ANHX: variants seen among roughly 807,000 people sequenced by gnomAD.
ANHX encodes the protein anomalous homeobox, also known as anomalous homeobox protein.
ANHX carries 20 observed loss-of-function variants against 38.9 expected under a neutral mutation model. That is an observed-to-expected ratio of 0.51 (90% CI 0.36 to 0.75). ANHX has a LOEUF of 0.75. ANHX is among the 30% of genes least tolerant of loss of function. The pLI, the probability that ANHX is intolerant of heterozygous loss-of-function variation, is 0.00. For synonymous variants in ANHX, 185 were observed against 203.1 expected, an observed-to-expected ratio of 0.91 and a Z score of 0.76; for missense variants, 475 against 493.1, an observed-to-expected ratio of 0.96 and a Z score of 0.35.
chr12:133,220,140 T>C (rs1476255811), intron 8 of ANHX, among the ~76,000 whole-genome samples: 5 of 152,128 alleles, frequency 3.3e-5, no homozygotes, highest in South Asian at 4.1e-4. Context: ...TTCATCACGG[T>C]GGTGGCCTCG....
At chr12:133,219,399 A>C (rs1206873247) in intron 8 of ANHX, 32 bp from the exon 9 acceptor site, 1 of 1,431,690 alleles carries the variant, frequency 7.0e-7, no homozygotes, top group South Asian at 1.3e-5. Context: ...AATAGGCCCT[A>C]TCTCAAGGGG....
intron 4 of ANHX, among the ~76,000 whole-genome samples, chr12:133,227,446 C>T (rs1336989586): frequency 6.6e-6 from 1 of 152,196 alleles, no homozygotes; most frequent in Non-Finnish European, 1.5e-5. Context: ...TGCCCAGGGC[C>T]ACCCCAAGCC....
chr12:133,224,978 CA>C (rs1566404962), intron 7 of ANHX, among the ~76,000 whole-genome samples: 1 of 112,648 alleles, frequency 8.9e-6, no homozygotes, highest in Non-Finnish European at 1.7e-5. Flanking sequence ...AAAAAAAAAA[CA>C]AAAACAAAAA....
rs538305106 is a variant in ANHX at position 133,223,468 on chromosome 12, C to T, written c.1132+2068G>A. Among the ~76,000 whole-genome samples, 59 of 132,286 alleles carry T rather than the reference C, an allele frequency of 4.5e-4. 1 individual carries two copies. The highest frequency in any genetic ancestry group is 4.6e-3 in the Middle Eastern group (1 of 216). The allele number at this position is 132,286 out of a possible 152,430, so 86.8% of individuals were successfully genotyped here. On this transcript the variant is annotated intron_variant, in intron 7 of 9. Coordinates refer to ENST00000545940, the MANE Select transcript of ANHX (RefSeq NM_001372060.1). ...TTCTTTTTTTTTTTTTTTTTTGAGA[C>T]GGAGCCTCACTCTGTCACCCAGGCT...
chr12:133,234,384 A>G lies in ANHX; in HGVS notation c.-22-6T>C, dbSNP rs1382363211. ...TGTGCTGGGTCGTGGCCACTCTGCC[A>G]ACACAAACAGTCACAAGAATGGCCA... On this transcript the variant is annotated splice_region_variant and splice_polypyrimidine_tract_variant and intron_variant, in intron 1 of 9. Coordinates refer to ENST00000545940, the MANE Select transcript of ANHX (RefSeq NM_001372060.1). 1.3e-6 allele frequency: 2 copies of G among 1,522,074 alleles called. No homozygotes were observed. Among genetic ancestry groups the G allele is most frequent in the Non-Finnish European group, 1.8e-6 (2 of 1,136,698 alleles). The allele number at this position is 1,522,074 out of a possible 1,614,324, so 94.3% of individuals were successfully genotyped here.
chr12:133,235,395 G>GC (rs1957355491), intron 1 of ANHX: 1 of 152,398 alleles, frequency 6.6e-6, no homozygotes, highest in Non-Finnish European at 1.5e-5. Flanking sequence ...GGGGCACCCG[G>GC]CTCCAGCTGA....
chr12:133,222,359 C>T (rs1394087414), intron 7 of ANHX, among the ~76,000 whole-genome samples: 1 of 152,106 alleles, frequency 6.6e-6, no homozygotes, highest in East Asian at 1.9e-4. Context: ...GGGTGTGGGG[C>T]AGGGGCTGAG....
At chr12:133,223,854 C>G (rs183536329) in intron 7 of ANHX, among the ~76,000 whole-genome samples, 255 of 151,684 alleles carry the variant, frequency 1.7e-3, no homozygotes, top group Admixed American at 2.8e-3. Flanking sequence ...CCCACCCCCC[C>G]AAAAAATAAG....
chr12:133,221,131 CTA>C lies in ANHX; in HGVS notation c.1280+72_1280+73del. On this transcript the variant is annotated intron_variant, in intron 8 of 9. Coordinates refer to ENST00000545940, the MANE Select transcript of ANHX (RefSeq NM_001372060.1). The surrounding 1 kb of genome is among the most constrained non-coding windows in gnomAD (Gnocchi z 4.1). ...ATCTGCACAGTCCGGGACGGTGAGT[CTA>C]TAAACTGGGCATTACCCTATCTTGT... The C allele has an allele frequency of 6.7e-7, 1 of 1,503,554 alleles. No individual in the cohort carries two copies. The allele number at this position is 1,503,554 out of a possible 1,614,324, so 93.1% of individuals were successfully genotyped here. A position where few individuals can be genotyped will look rare whatever the true frequency, so the allele number is the denominator to read the frequency against.
At chr12:133,230,785 T>C (rs1298839302) in intron 3 of ANHX, among the ~76,000 whole-genome samples, 1 of 151,926 alleles carries the variant, frequency 6.6e-6, no homozygotes. Flanking sequence ...AGGCTCCAAT[T>C]TCTCAGTGTC....
chr12:133,219,038 G>A (rs1463930329), intron 9 of ANHX, 67 bp from the exon 10 acceptor site: 1 of 1,413,534 alleles, frequency 7.1e-7, no homozygotes, highest in Non-Finnish European at 9.5e-7. Flanking sequence ...CCTCCCACCT[G>A]GGCACCTCCT....
At chr12:133,234,543 A>T (rs1957336073) in intron 1 of ANHX, 165 bp from the exon 2 acceptor site, 4 of 725,932 alleles carry the variant, frequency 5.5e-6, no homozygotes, top group Non-Finnish European at 8.8e-6. Context: ...GCAGCACCAT[A>T]GCATACACCC....
Position 133,227,141 on chromosome 12 carries a change from T to C in ANHX, c.513A>G (p.Ala171=). The C allele has an allele frequency of 1.3e-6, 2 of 1,534,654 alleles. No homozygotes were observed. The highest frequency in any genetic ancestry group is 1.2e-5 in the South Asian group (1 of 83,912). The change falls in exon 5 of 10, where the codon GCA becomes GCG. Residue 171 remains alanine, a synonymous_variant. Coordinates refer to ENST00000545940, the MANE Select transcript of ANHX (RefSeq NM_001372060.1). ...GCTCAGGGGTCAAGCTCGTCTCCAA[T>C]GCCAAGTTCTCCTGCCCCCAAACAA... ...NPSKAERENL[A]LETSLTPEQV...
At chr12:133,220,237 C>T (rs1228785745) in intron 8 of ANHX, among the ~76,000 whole-genome samples, 2 of 152,056 alleles carry the variant, frequency 1.3e-5, no homozygotes, top group Admixed American at 6.5e-5. Context: ...CCACTTTTAA[C>T]GAAGGAACTG....
chr12:133,219,957 A>C (rs1957086568), intron 8 of ANHX, among the ~76,000 whole-genome samples: 1 of 152,206 alleles, frequency 6.6e-6, no homozygotes, highest in Non-Finnish European at 1.5e-5. Context: ...GTGACTCTCA[A>C]AGTCGTCATG....
chr12:133,230,753 CCT>C (rs2135571927), intron 3 of ANHX, among the ~76,000 whole-genome samples: 1 of 93,776 alleles, frequency 1.1e-5, no homozygotes, highest in Admixed American at 1.2e-4. Flanking sequence ...AGAGCAAGAC[CCT>C]GTCTCAATTT....
At chr12:133,234,442 C>G in intron 1 of ANHX, 64 bp from the exon 2 acceptor site, 1 of 1,473,840 alleles carries the variant, frequency 6.8e-7, no homozygotes, top group South Asian at 1.4e-5. Context: ...CAGTCAATCG[C>G]CCAACCCACT....
chr12:133,227,849 T>C lies in ANHX; in HGVS notation c.476A>G (p.Asn159Ser), dbSNP rs754252966. Residue 159 changes from asparagine (N) to serine (S), a missense_variant, in exon 4 of 10, where the codon AAC becomes AGC. Coordinates refer to ENST00000545940, the MANE Select transcript of ANHX (RefSeq NM_001372060.1). ...CCTCTCAGCCTTGCTGGGGTTGGTG[T>C]TCACCCCCACAGCGAAATTGTGCAG... Reference protein sequence around the residue: ...EKLHNFAVGVNTNPSKAEREN... With the variant: ...EKLHNFAVGVSTNPSKAEREN... 128 of 1,525,104 alleles carry C rather than the reference T, an allele frequency of 8.4e-5. No individual in the cohort carries two copies. The highest frequency in any genetic ancestry group is 1.0e-4 in the Non-Finnish European group (118 of 1,140,930). 94.5% of individuals were successfully genotyped at this position (1,525,104 alleles called of 1,614,324 possible).
chr12:133,227,717 A>T, intron 4 of ANHX, 107 bp downstream of exon 4: 1 of 1,323,392 alleles, frequency 7.6e-7, no homozygotes, highest in Non-Finnish European at 1.0e-6. Context: ...AACCACCAGC[A>T]CCCTGGCGGA....
Sources: gnomAD v4.1 joint callset for allele counts (sites outside exome capture counted in the v4.1 genomes callset) on GRCh38, gnomAD v4.1.1 for gene constraint, Gnocchi (gnomAD v3.1) non-coding constraint, MANE v1.5 for transcripts, NCBI Gene and HGNC (gene_info 2026-07-23, HGNC 2026-07-21) for gene names.